Variants in GRIK4 observed in about 807,000 individuals in gnomAD.
GRIK4 encodes glutamate receptor ionotropic, kainate 4.
Under a neutral mutation model 104.9 loss-of-function variants are expected in GRIK4, and 40 were observed. The ratio of observed to expected loss-of-function variants is 0.38; its 90% CI spans 0.30 to 0.50. The LOEUF is 0.50. Ranked by LOEUF, GRIK4 falls within the 20% of genes least tolerant of loss-of-function variation. The pLI is 0.93. For missense variants in GRIK4, 1,047 were observed against 1,308.1 expected, an observed-to-expected ratio of 0.80 and a Z score of 3.08; for synonymous variants, 485 against 524.9, an observed-to-expected ratio of 0.92 and a Z score of 1.04.
chr11:120,743,201 G>A (rs554516094), intron 3 of GRIK4, among the ~76,000 whole-genome samples: 1 of 150,342 alleles, frequency 6.7e-6, no homozygotes, highest in South Asian at 2.1e-4. Flanking sequence ...CTGCACTCCA[G>A]CCTGGGTGAC....
intron 3 of GRIK4, among the ~76,000 whole-genome samples, chr11:120,707,157 G>A (rs1950645284): frequency 6.6e-6 from 1 of 152,192 alleles, no homozygotes; most frequent in Non-Finnish European, 1.5e-5. Flanking sequence ...GAGGCCTGGA[G>A]GCAAGAAGAC....
At chr11:120,790,602 G>A (rs1952374571) in intron 3 of GRIK4, among the ~76,000 whole-genome samples, 3 of 152,232 alleles carry the variant, frequency 2.0e-5, no homozygotes, top group African/African-American at 7.2e-5. Context: ...ATAGAATTCA[G>A]TAGAAGGTGA....
chr11:120,954,186 C>T (rs779271006), intron 15 of GRIK4, among the ~76,000 whole-genome samples: 11 of 152,264 alleles, frequency 7.2e-5, no homozygotes, highest in South Asian at 2.1e-4. Flanking sequence ...GTTGCATCAA[C>T]CTGTCTGCAC....
chr11:120,977,937 A>G (rs747932078), intron 19 of GRIK4, among the ~76,000 whole-genome samples: 2 of 152,212 alleles, frequency 1.3e-5, no homozygotes, highest in Admixed American at 1.3e-4. Flanking sequence ...AGTGTGGGCC[A>G]TCTTCCTCTG....
intron 3 of GRIK4, among the ~76,000 whole-genome samples, chr11:120,799,932 C>A (rs1344335779): frequency 6.6e-6 from 1 of 152,114 alleles, no homozygotes. Flanking sequence ...ACTGCAACCT[C>A]CACCTCCCGG....
intron 3 of GRIK4, among the ~76,000 whole-genome samples, chr11:120,753,297 C>CTGTGTGTGTGTGTG (rs57423619): frequency 3.6e-4 from 47 of 130,276 alleles, no homozygotes; most frequent in East Asian, 3.4e-3. Flanking sequence ...CAACACAACT[C>CTGTGTGTGTGTGTG]TGTGTGTGTG....
chr11:120,547,019 G>C (rs764037037), intron 1 of GRIK4, among the ~76,000 whole-genome samples: 1 of 152,216 alleles, frequency 6.6e-6, no homozygotes, highest in African/African-American at 2.4e-5. Context: ...AGAGCTCCAC[G>C]TACCTCCCCG....
chr11:120,697,341 C>T lies in GRIK4; in HGVS notation c.82+36941C>T, dbSNP rs536234165. ...ACCTATAAGAGTTTATGGAGCTGGG[C>T]GCAGTGGCTCACGCCTGTAATCCCA... On this transcript the variant is annotated intron_variant, in intron 3 of 20. Coordinates refer to ENST00000527524, the MANE Select transcript of GRIK4 (RefSeq NM_014619.5). Among the ~76,000 whole-genome samples the T allele has an allele frequency of 2.3e-4, 35 of 152,282 alleles. No individual in the cohort carries two copies. In the East Asian group the frequency reaches 5.6e-3, roughly 24 times the overall value.
At chr11:120,589,372 T>C (rs989812431) in intron 1 of GRIK4, among the ~76,000 whole-genome samples, 2 of 152,172 alleles carry the variant, frequency 1.3e-5, no homozygotes, top group African/African-American at 4.8e-5. Flanking sequence ...GTCAAAATCC[T>C]ACCTTGGCCA....
chr11:120,904,459 A>T (rs147554240), intron 12 of GRIK4, among the ~76,000 whole-genome samples: 2 of 152,306 alleles, frequency 1.3e-5, no homozygotes, highest in East Asian at 3.9e-4. Context: ...TCAGGGTCTC[A>T]TCTCAGGAGA....
At chr11:120,971,842 C>T (rs1198507341) in intron 19 of GRIK4, among the ~76,000 whole-genome samples, 1 of 152,128 alleles carries the variant, frequency 6.6e-6, no homozygotes, top group Non-Finnish European at 1.5e-5. Flanking sequence ...ACTGAGAACT[C>T]GGTTTGAATA....
At chr11:120,891,696 T>C (rs1357884641) in intron 11 of GRIK4, among the ~76,000 whole-genome samples, 1 of 152,160 alleles carries the variant, frequency 6.6e-6, no homozygotes, top group Non-Finnish European at 1.5e-5. Context: ...ATGAAGCTTA[T>C]TATCTAGTAA....
chr11:120,910,844 A>C (rs968452449), intron 13 of GRIK4, among the ~76,000 whole-genome samples: 1 of 152,222 alleles, frequency 6.6e-6, no homozygotes, highest in Admixed American at 6.5e-5. Context: ...CCTGTGACAC[A>C]TGGGGAAGGA....
intron 13 of GRIK4, among the ~76,000 whole-genome samples, chr11:120,934,667 G>C (rs913606507): frequency 6.6e-6 from 1 of 152,138 alleles, no homozygotes; most frequent in South Asian, 2.1e-4. Flanking sequence ...ATAAAAGAGG[G>C]GATCTCTCAG....
chr11:120,842,850 C>T (rs944624857), intron 8 of GRIK4, among the ~76,000 whole-genome samples: 2 of 152,212 alleles, frequency 1.3e-5, no homozygotes, highest in South Asian at 2.1e-4. Flanking sequence ...ACCAGTCTAC[C>T]GTTGAGACAG....
At chr11:120,681,450 C>G (rs951383871) in intron 3 of GRIK4, among the ~76,000 whole-genome samples, 1 of 152,194 alleles carries the variant, frequency 6.6e-6, no homozygotes, top group Non-Finnish European at 1.5e-5. Context: ...CGCCTTTAGC[C>G]TCCCTCCTGT....
At chr11:120,788,629 C>CTGCACCTG (rs1397386037) in intron 3 of GRIK4, among the ~76,000 whole-genome samples, 1 of 152,192 alleles carries the variant, frequency 6.6e-6, no homozygotes, top group Non-Finnish European at 1.5e-5. Flanking sequence ...CCAGATGAGC[C>CTGCACCTG]TGCACCTGTG....
intron 9 of GRIK4, chr11:120,873,534 T>C (rs1954671037): frequency 6.6e-6 from 1 of 152,490 alleles, no homozygotes. Context: ...GCTTTGAACT[T>C]ACCATGTGCT....
intron 6 of GRIK4, among the ~76,000 whole-genome samples, chr11:120,828,311 C>T (rs1953323492): frequency 6.6e-6 from 1 of 152,158 alleles, no homozygotes. Flanking sequence ...TATACGTGCT[C>T]TCAAATACTT....
Sources: gnomAD v4.1 joint callset for allele counts (sites outside exome capture counted in the v4.1 genomes callset) on GRCh38, gnomAD v4.1.1 for gene constraint, MANE v1.5 for transcripts, NCBI Gene and HGNC (gene_info 2026-07-23, HGNC 2026-07-21) for gene names.